Variants in MPDZ observed in about 807,000 individuals in gnomAD.
MPDZ encodes the protein multiple PDZ domain crumbs cell polarity complex component.
In MPDZ, 234 loss-of-function variants were observed where a neutral mutation model predicts 239.1. That is an observed-to-expected ratio of 0.98 (90% CI 0.88 to 1.09). The LOEUF is 1.09. Among genes scored for constraint, MPDZ ranks in the 50% least tolerant of loss-of-function variants. MPDZ has a pLI of 0.00. For missense variants in MPDZ, 3,175 were observed against 2,510.0 expected (o/e 1.26, Z -5.66); for synonymous variants, 1,048 against 881.3 (o/e 1.19, Z -3.35).
At chr9:13,271,818 G>A (rs1024161127) in intron 1 of MPDZ, among the ~76,000 whole-genome samples, 1 of 152,118 alleles carries the variant, frequency 6.6e-6, no homozygotes, top group African/African-American at 2.4e-5. Flanking sequence ...GCAATGACCA[G>A]TACTGAACTA....
Position 13,110,047 on chromosome 9 carries a change from G to A in MPDZ, c.5847C>T (p.Asp1949=), listed in dbSNP as rs2131054762. 7 of 1,612,850 alleles carry A rather than the reference G, an allele frequency of 4.3e-6. No homozygotes were observed. The highest frequency in any genetic ancestry group is 2.2e-5 in the South Asian group (2 of 90,856). The stretch of plus-strand genomic sequence containing the variant: ...GCTGATGACCTGTGACCACACTCAC[G>A]TCTCCTCCAGCAACCACCTGCGCAC... The part of the protein sequence containing the change: ...SIEMQVVAGG[D]VSVVTGHQQE... Residue 1949 remains aspartate, a synonymous_variant, in exon 45 of 47, where the codon GAC becomes GAT. Coordinates refer to ENST00000319217, the MANE Select transcript of MPDZ (RefSeq NM_001378778.1).
chr9:13,194,133 A>G (rs1448709352), intron 13 of MPDZ, among the ~76,000 whole-genome samples: 2 of 152,094 alleles, frequency 1.3e-5, no homozygotes. Flanking sequence ...TTCCCTTATG[A>G]TTTCATTTAT....
chr9:13,214,540 T>C (rs1034150813), intron 10 of MPDZ, among the ~76,000 whole-genome samples: 2 of 152,030 alleles, frequency 1.3e-5, no homozygotes, highest in Non-Finnish European at 2.9e-5. Context: ...GCTACTGTAC[T>C]GTACATTTTA....
chr9:13,107,925 G>A (rs1023544202), intron 46 of MPDZ, among the ~76,000 whole-genome samples: 1 of 152,062 alleles, frequency 6.6e-6, no homozygotes, highest in African/African-American at 2.4e-5. Context: ...CTGAGGAAAA[G>A]GACTGTATGA....
intron 10 of MPDZ, among the ~76,000 whole-genome samples, chr9:13,212,568 T>C (rs1957748720): frequency 6.6e-6 from 1 of 151,656 alleles, no homozygotes; most frequent in Non-Finnish European, 1.5e-5. Flanking sequence ...GGTTCCCCTT[T>C]ATCACAAGAG....
chr9:13,252,293 C>T (rs1348921881), intron 1 of MPDZ, among the ~76,000 whole-genome samples: 2 of 152,048 alleles, frequency 1.3e-5, no homozygotes, highest in East Asian at 1.9e-4. Flanking sequence ...ATAGGCCGGG[C>T]GCGGTGGCTC....
chr9:13,136,144 C>G lies in MPDZ; in HGVS notation c.4331G>C (p.Gly1444Ala). 3 of 1,612,898 alleles carry G rather than the reference C, an allele frequency of 1.9e-6. No individual in the cohort carries two copies. The highest frequency in any genetic ancestry group is 2.5e-6 in the Non-Finnish European group (3 of 1,179,418). ...DAVNQMAVCP[G>A]NAVEPLPSNS... The stretch of plus-strand genomic sequence containing the variant: ...AGAAGGCAAAGGTTCTACTGCATTT[C>G]CAGGACATACGGCCATCTGATTCAC... The change falls in exon 31 of 47, where the codon GGA (glycine) becomes GCA (alanine). Residue 1444 changes from glycine to alanine, a missense_variant. Gly to Ala is a moderately conservative substitution (Grantham distance 60). Transcript: ENST00000319217.
intron 44 of MPDZ, 138 bp from the exon 45 acceptor site, chr9:13,110,202 A>AC: frequency 4.6e-6 from 3 of 659,204 alleles, no homozygotes; most frequent in Non-Finnish European, 7.8e-6. Context: ...ATAAAATACA[A>AC]CCAAAGAGAA....
At chr9:13,115,644 G>A (rs1943283879) in intron 39 of MPDZ, among the ~76,000 whole-genome samples, 1 of 150,292 alleles carries the variant, frequency 6.7e-6, no homozygotes, top group African/African-American at 2.4e-5. Flanking sequence ...ATTTTGATAG[G>A]ACAAACAAGC....
In MPDZ at chr9:13,222,389, A is replaced by C. The variant is rs754589282; in HGVS notation, c.591T>G (p.Asp197Glu). 9 of 1,612,890 alleles carry C rather than the reference A, an allele frequency of 5.6e-6. No homozygotes were observed. In the South Asian group the frequency reaches 9.9e-5, roughly 18 times the overall value. ...QILAINGQAL[D>E]QTITHQQAIS... Reference sequence around the variant, plus strand: ...TAGCCTGCTGATGTGTAATTGTCTGATCAAGAGCCTGTCCATTGATAGCAA... The same window carrying C: ...TAGCCTGCTGATGTGTAATTGTCTGCTCAAGAGCCTGTCCATTGATAGCAA... The change falls in exon 6 of 47, where the codon GAT becomes GAG. Residue 197 changes from aspartate (D) to glutamate (E), a missense_variant. Coordinates refer to ENST00000319217, the MANE Select transcript of MPDZ (RefSeq NM_001378778.1).
intron 17 of MPDZ, among the ~76,000 whole-genome samples, chr9:13,187,706 C>A (rs1440322991): frequency 6.6e-6 from 1 of 152,002 alleles, no homozygotes; most frequent in Non-Finnish European, 1.5e-5. Context: ...TCACAAAAAT[C>A]AACAAACCCA....
chr9:13,135,864 T>A (rs886762219), intron 31 of MPDZ: 5 of 355,074 alleles, frequency 1.4e-5, no homozygotes, highest in African/African-American at 1.1e-4. Context: ...TGATAACTCT[T>A]TTCCTACCCT....
At position 13,136,167 on chromosome 9, in the gene MPDZ, C is replaced by A. The variant is rs1301856265; in HGVS notation, c.4308G>T (p.Val1436=). The A allele has an allele frequency of 3.7e-6, 6 of 1,611,882 alleles. No individual in the cohort carries two copies. Among genetic ancestry groups the A allele is most frequent in the Non-Finnish European group, 5.1e-6 (6 of 1,178,746 alleles). The change falls in exon 31 of 47, where the codon GTG becomes GTT. Residue 1436 remains valine (V), a synonymous_variant. Transcript: ENST00000319217. The stretch of plus-strand genomic sequence containing the variant: ...TTCCAGGACATACGGCCATCTGATT[C>A]ACTGCATCTTTATTTCTAAAAGCAA... ...KIIFIRNKDA[V]NQMAVCPGNA...
At chr9:13,219,529 C>A (rs765946875) in intron 8 of MPDZ, 30 bp downstream of exon 8, 1 of 1,590,410 alleles carries the variant, frequency 6.3e-7, no homozygotes, top group Non-Finnish European at 8.6e-7. Context: ...ATTTCTCTGA[C>A]TTTCACATTA....
At chr9:13,240,925 TA>T (rs1257687369) in intron 3 of MPDZ, among the ~76,000 whole-genome samples, 9 of 152,124 alleles carry the variant, frequency 5.9e-5, no homozygotes, top group African/African-American at 2.2e-4. Context: ...AAAGACCATT[TA>T]ACATTGTCAC....
chr9:13,214,333 T>C (rs1337968094), intron 10 of MPDZ, among the ~76,000 whole-genome samples: 2 of 152,036 alleles, frequency 1.3e-5, no homozygotes, highest in Non-Finnish European at 2.9e-5. Flanking sequence ...GAACCACATC[T>C]TGTATGATTC....
chr9:13,112,845 C>G lies in MPDZ; in HGVS notation c.5601+166G>C, dbSNP rs150046722. On this transcript the variant is annotated intron_variant, in intron 42 of 46. Coordinates refer to ENST00000319217, the MANE Select transcript of MPDZ (RefSeq NM_001378778.1). The stretch of plus-strand genomic sequence containing the variant: ...GATTTTTCAAATGAGGTGCTGTGAT[C>G]AGGAAATTCATTAAGGACTACATTA... Among the ~76,000 whole-genome samples, 7 of 152,250 alleles carry G rather than the reference C, an allele frequency of 4.6e-5. No homozygotes were observed. The East Asian group carries it at 5.8e-4, about 13-fold the overall frequency.
At position 13,140,139 on chromosome 9, in the gene MPDZ, T is replaced by G; in HGVS notation, c.3851A>C (p.Gln1284Pro). 1 of 1,613,174 alleles carries G rather than the reference T, an allele frequency of 6.2e-7. No individual in the cohort carries two copies. The highest frequency in any genetic ancestry group is 8.5e-7 in the Non-Finnish European group (1 of 1,179,494). Reference protein sequence around the residue: ...LQINADKAPSQSESEPEKAPL... With the variant: ...LQINADKAPSPSESEPEKAPL... The stretch of plus-strand genomic sequence containing the variant: ...AGCCTTCTCTGGCTCTGACTCTGAC[T>G]GACTGGGTGCCTGTGGGAACAAAAA... Residue 1284 changes from glutamine to proline, a missense_variant, in exon 28 of 47, where the codon CAG (glutamine) becomes CCG (proline). Transcript: ENST00000319217.
At chr9:13,153,859 C>T (rs540454564) in intron 24 of MPDZ, among the ~76,000 whole-genome samples, 1 of 152,114 alleles carries the variant, frequency 6.6e-6, no homozygotes, top group Non-Finnish European at 1.5e-5. Context: ...TCCAAGGGCT[C>T]TTTATGTTTG....
Sources: gnomAD v4.1 joint callset for allele counts (sites outside exome capture counted in the v4.1 genomes callset) on GRCh38, gnomAD v4.1.1 for gene constraint, MANE v1.5 for transcripts, NCBI Gene and HGNC (gene_info 2026-07-23, HGNC 2026-07-21) for gene names.